The following GPR160 variants were observed in gnomAD, a reference collection of about 807,000 sequenced individuals.
The protein encoded by GPR160 is probable G protein-coupled receptor 160.
Under a neutral mutation model 2.6 loss-of-function variants are expected in GPR160, and 2 were observed. The observed-to-expected ratio is 0.77, with a 90% confidence interval of 0.32 to 2.44. GPR160 has a LOEUF of 2.44. GPR160 is among the 30% of genes most tolerant of loss of function. The pLI is 0.11. For missense variants in GPR160, 351 were observed against 383.6 expected (o/e 0.91, Z 0.71); for synonymous variants, 130 against 132.2 (o/e 0.98, Z 0.12).
rs772359225 is a variant in GPR160, at chr3:170,084,419, A to G, written c.447A>G (p.Ser149=). Reference sequence around the variant, plus strand: ...TTACAGTAATTTTAATTTGGATTTCAGTCCTTGCTTATGTTTTGGGAGACC... The same window carrying G: ...TTACAGTAATTTTAATTTGGATTTCGGTCCTTGCTTATGTTTTGGGAGACC... ...YFFTVILIWI[S]VLAYVLGDPA... The change falls in exon 4 of 4, where the codon TCA becomes TCG. Residue 149 remains serine (S), a synonymous_variant. Coordinates refer to ENST00000355897, the MANE Select transcript of GPR160 (RefSeq NM_014373.3). 8 of 1,608,770 alleles carry G rather than the reference A, an allele frequency of 5.0e-6. No individual in the cohort carries two copies. The highest frequency in any genetic ancestry group is 1.1e-5 in the South Asian group (1 of 90,922).
Position 170,075,831 on chromosome 3 carries a change from T to C in GPR160, c.-192-3943T>C, listed in dbSNP as rs193189195. Among the ~76,000 whole-genome samples, 4 of 152,352 alleles carry C rather than the reference T, an allele frequency of 2.6e-5. No homozygotes were observed. In the East Asian group the frequency reaches 7.7e-4, roughly 29 times the overall value. ...CTATCCCCTACCTTGAGATAACCTCTGCTTGCTGTCTTCTGCCTGGCCTCA... is the reference window on the plus strand; with the variant it reads ...CTATCCCCTACCTTGAGATAACCTCCGCTTGCTGTCTTCTGCCTGGCCTCA... On this transcript the variant is annotated intron_variant, in intron 2 of 3. Transcript: ENST00000355897.
chr3:170,052,914 CT>C lies in GPR160; in HGVS notation c.-193+13880del, dbSNP rs1029140044. On this transcript the variant is annotated intron_variant, in intron 2 of 3. Coordinates refer to ENST00000355897, the MANE Select transcript of GPR160 (RefSeq NM_014373.3). ...AATGGTGTGAAGTGGAGTTAAGGTC[CT>C]TTTTTTTTCATACGGTTATCCAGTT... is the stretch of plus-strand genomic sequence containing the variant. 5.3e-3 allele frequency among the ~76,000 whole-genome samples: 807 copies of C among 151,210 alleles called. 9 individuals are homozygous for C. The highest frequency in any genetic ancestry group is 0.018 in the African/African-American group (761 of 41,234).
Position 170,085,098 on chromosome 3 carries a change from C to CTGA in GPR160, c.*111_*113dup, listed in dbSNP as rs2108203270. 2.0e-6 allele frequency: 1 copy of CTGA among 506,532 alleles called. No individual in the cohort carries two copies. Among genetic ancestry groups the CTGA allele is most frequent in the South Asian group, 4.5e-5 (1 of 22,022 alleles). 31.4% of individuals were successfully genotyped at this position (506,532 alleles called of 1,614,324 possible). A position where few individuals can be genotyped will look rare whatever the true frequency, so the allele number is the denominator to read the frequency against. ...AACTAAAACAACTTTTGCCCCCTGA[C>CTGA]TGATAGCATTTCAGAATGTGTCTTT... On this transcript the variant is annotated 3_prime_UTR_variant, in exon 4 of 4. Coordinates refer to ENST00000355897, the MANE Select transcript of GPR160 (RefSeq NM_014373.3).
At chr3:170,075,809 T>C (rs1712822142) in intron 2 of GPR160, among the ~76,000 whole-genome samples, 2 of 152,174 alleles carry the variant, frequency 1.3e-5, no homozygotes, top group Admixed American at 1.3e-4. Flanking sequence ...AAATCATCTA[T>C]CCCCTACCTT....
chr3:170,042,806 G>A (rs952883858), intron 2 of GPR160, among the ~76,000 whole-genome samples: 67 of 140,792 alleles, frequency 4.8e-4, no homozygotes, highest in African/African-American at 1.3e-3. Flanking sequence ...CAGCCTGGAC[G>A]ATAGGGCAAG....
chr3:170,064,004 T>C (rs559388093), intron 2 of GPR160, among the ~76,000 whole-genome samples: 7 of 152,160 alleles, frequency 4.6e-5, no homozygotes, highest in African/African-American at 1.7e-4. Flanking sequence ...TTTGTAGAAA[T>C]GTGAACGCTG....
chr3:170,059,112 G>A (rs544416542), intron 2 of GPR160, among the ~76,000 whole-genome samples: 1 of 152,082 alleles, frequency 6.6e-6, no homozygotes, highest in East Asian at 1.9e-4. Flanking sequence ...TAAATGATAG[G>A]GGGTGGGTGG....
At position 170,078,145 on chromosome 3, in the gene GPR160, C is replaced by T. The variant is rs142804570; in HGVS notation, c.-192-1629C>T. On this transcript the variant is annotated intron_variant, in intron 2 of 3. Coordinates refer to ENST00000355897, the MANE Select transcript of GPR160 (RefSeq NM_014373.3). Reference sequence around the variant, plus strand: ...CTCTTGTTTTCCATAACCCATAGTTCCCAGAAGAAGGCACGTTAGACCTAG... The same window carrying T: ...CTCTTGTTTTCCATAACCCATAGTTTCCAGAAGAAGGCACGTTAGACCTAG... Among the ~76,000 whole-genome samples, 140 of 152,216 alleles carry T rather than the reference C, an allele frequency of 9.2e-4. 1 individual carries two copies. The highest frequency in any genetic ancestry group is 3.4e-3 in the Middle Eastern group (1 of 294).
intron 2 of GPR160, among the ~76,000 whole-genome samples, chr3:170,048,030 C>T (rs1716801124): frequency 1.3e-5 from 2 of 152,156 alleles, no homozygotes; most frequent in South Asian, 4.1e-4. Flanking sequence ...GGTTTCACCA[C>T]GTTGGCCAGG....
chr3:170,085,247 G>GTGA lies in GPR160; in HGVS notation c.*260_*262dup, dbSNP rs539226485. 2.2e-4 allele frequency: 55 copies of GTGA among 245,742 alleles called. No individual in the cohort carries two copies. In the East Asian group the frequency reaches 4.9e-3, roughly 22 times the overall value. The allele number at this position is 245,742 out of a possible 1,614,324, so 15.2% of individuals were successfully genotyped here. On this transcript the variant is annotated 3_prime_UTR_variant, in exon 4 of 4. Transcript: ENST00000355897. ...TATTACTTTGTTATTAACACAAAAA[G>GTGA]TGATAAGAGTTAACATTTGGCTATA... is the stretch of plus-strand genomic sequence containing the variant.
chr3:170,051,764 A>C (rs1004174052), intron 2 of GPR160, among the ~76,000 whole-genome samples: 1 of 152,162 alleles, frequency 6.6e-6, no homozygotes, highest in African/African-American at 2.4e-5. Flanking sequence ...TAGTTTGAAA[A>C]TATTTTCCCC....
chr3:170,083,051 G>A (rs1004046194), intron 3 of GPR160, among the ~76,000 whole-genome samples: 2 of 150,878 alleles, frequency 1.3e-5, no homozygotes, highest in African/African-American at 2.4e-5. Flanking sequence ...GTAGAAATAA[G>A]TTAAGTTTGG....
chr3:170,040,778 G>A (rs1185178874), intron 2 of GPR160, among the ~76,000 whole-genome samples: 1 of 152,220 alleles, frequency 6.6e-6, no homozygotes, highest in Non-Finnish European at 1.5e-5. Flanking sequence ...CACAAGATGA[G>A]TAGAGGGCTG....
intron 2 of GPR160, among the ~76,000 whole-genome samples, chr3:170,041,426 C>A (rs1025922937): frequency 6.6e-6 from 1 of 151,888 alleles, no homozygotes; most frequent in Non-Finnish European, 1.5e-5. Flanking sequence ...CTCAGCCTCC[C>A]GAGCAGCTGG....
At position 170,038,175 on chromosome 3, in the gene GPR160, G is replaced by C. The variant is rs567693603; in HGVS notation, c.-362G>C. On this transcript the variant is annotated 5_prime_UTR_variant, in exon 1 of 4. Coordinates refer to ENST00000355897, the MANE Select transcript of GPR160 (RefSeq NM_014373.3). The surrounding 1 kb of genome is among the most constrained non-coding windows in gnomAD (Gnocchi z 5.3). ...CCTGGGCACGGGCGCTGCAGGTGTC[G>C]GGGCCTCAACCTTGCGGAGCCGACA... is the stretch of plus-strand genomic sequence containing the variant. The C allele has an allele frequency of 4.6e-5, 7 of 152,326 alleles. No individual in the cohort carries two copies. The highest frequency in any genetic ancestry group is 2.0e-4 in the South Asian group (1 of 4,950). The allele number at this position is 152,326 out of a possible 1,614,324, so 9.4% of individuals were successfully genotyped here.
chr3:170,059,994 C>T (rs1253318630), intron 2 of GPR160, among the ~76,000 whole-genome samples: 2 of 152,042 alleles, frequency 1.3e-5, no homozygotes, highest in Admixed American at 6.5e-5. Context: ...GAGATGGTAG[C>T]TTTGCATTGG....
At chr3:170,060,438 G>T (rs1275331902) in intron 2 of GPR160, among the ~76,000 whole-genome samples, 1 of 152,172 alleles carries the variant, frequency 6.6e-6, no homozygotes, top group Admixed American at 6.5e-5. Flanking sequence ...CAGTCTCAAA[G>T]TATTAATTAC....
At chr3:170,062,647 T>C in intron 2 of GPR160, 1 of 1,432,304 alleles carries the variant, frequency 7.0e-7, no homozygotes, top group Non-Finnish European at 9.7e-7. Context: ...ATTCCACCAA[T>C]GCAGCCATCG....
chr3:170,066,226 T>C (rs1354939977), intron 2 of GPR160, among the ~76,000 whole-genome samples: 1 of 135,340 alleles, frequency 7.4e-6, no homozygotes, highest in African/African-American at 2.8e-5. Flanking sequence ...CTGCAAGCTC[T>C]GCCTCCCGGG....
Sources: allele counts gnomAD v4.1 joint callset (sites outside exome capture counted in the v4.1 genomes callset), GRCh38; gene constraint gnomAD v4.1.1; non-coding constraint Gnocchi (gnomAD v3.1); transcripts MANE v1.5; gene names NCBI Gene and HGNC (gene_info 2026-07-23, HGNC 2026-07-21).